DTWD2: variants seen among roughly 807,000 people sequenced by gnomAD.
DTWD2 encodes the protein DTW motif tRNA-uridine aminocarboxypropyltransferase 2, also known as tRNA-uridine aminocarboxypropyltransferase 2.
A neutral mutation model predicts 31.8 loss-of-function variants in DTWD2; 39 were observed. The observed-to-expected ratio is 1.22, with a 90% CI of 0.95 to 1.60. The LOEUF (loss-of-function observed/expected upper bound fraction) is 1.60, where lower values mean the gene tolerates loss of function less well. Among genes scored for constraint, DTWD2 ranks in the 40% most tolerant of loss-of-function variants. DTWD2 has a pLI of 0.00. For missense variants in DTWD2, 515 were observed against 381.5 expected, an observed-to-expected ratio of 1.35 and a Z score of -2.92; for synonymous variants, 180 against 142.8, an observed-to-expected ratio of 1.26 and a Z score of -1.86.
chr5:118,908,172 C>CA (rs1281723372), intron 4 of DTWD2, among the ~76,000 whole-genome samples: 1 of 151,976 alleles, frequency 6.6e-6, no homozygotes, highest in African/African-American at 2.4e-5. Flanking sequence ...CTAAGTACAA[C>CA]AAAAAACTGG....
rs560141180 is a variant in DTWD2 at position 118,983,049 on chromosome 5, A to T, written c.218+5245T>A. 7.9e-5 allele frequency among the ~76,000 whole-genome samples: 12 copies of T among 152,198 alleles called. No individual in the cohort carries two copies. In the East Asian group the frequency reaches 2.1e-3, roughly 27 times the overall value. On this transcript the variant is annotated intron_variant, in intron 1 of 5. Transcript: ENST00000510708. ...CAACAGTTTCAGTTATTCTACATTA[A>T]CTACCCTAGGAATTACCATTTTTCA... is the stretch of plus-strand genomic sequence containing the variant.
intron 1 of DTWD2, among the ~76,000 whole-genome samples, chr5:118,987,166 A>T (rs946287638): frequency 6.6e-6 from 1 of 152,156 alleles, no homozygotes. Flanking sequence ...AACATTTTTA[A>T]ATGCTTCCCC....
chr5:118,988,311 AGGCCTC>A lies in DTWD2; in HGVS notation c.195_200del (p.Arg66_Pro67del). The A allele has an allele frequency of 6.6e-7, 1 of 1,525,342 alleles. No individual in the cohort carries two copies. The highest frequency in any genetic ancestry group is 8.8e-7 in the Non-Finnish European group (1 of 1,140,878). The allele number at this position is 1,525,342 out of a possible 1,614,324, so 94.5% of individuals were successfully genotyped here. On this transcript the variant is annotated inframe_deletion, in exon 1 of 6. Transcript: ENST00000510708. ...GCGGTCACCTGCAGCGGGTGCACTC[AGGCCTC>A]CGCTCGGCCGGCTCCACCGGCAGCT...
chr5:118,986,919 G>A (rs1045876126), intron 1 of DTWD2, among the ~76,000 whole-genome samples: 5 of 151,976 alleles, frequency 3.3e-5, no homozygotes, highest in African/African-American at 1.2e-4. Context: ...AGAAATGTTG[G>A]GGAAAATTGT....
intron 3 of DTWD2, among the ~76,000 whole-genome samples, chr5:118,938,988 A>G (rs904346645): frequency 3.3e-5 from 5 of 152,006 alleles, no homozygotes; most frequent in African/African-American, 4.8e-5. Flanking sequence ...CTTTGCTTAT[A>G]CATTATTTAT....
intron 4 of DTWD2, among the ~76,000 whole-genome samples, chr5:118,918,769 C>G (rs1753636459): frequency 6.6e-6 from 1 of 151,284 alleles, no homozygotes; most frequent in Admixed American, 6.6e-5. Context: ...ACAAGGATTA[C>G]TTGAGCCCAG....
chr5:118,870,792 C>T (rs549297932), intron 4 of DTWD2, among the ~76,000 whole-genome samples: 1 of 152,256 alleles, frequency 6.6e-6, no homozygotes, highest in South Asian at 2.1e-4. Context: ...AAGGACTTCT[C>T]TGTAGCATGT....
chr5:118,906,451 G>A (rs1753334666), intron 4 of DTWD2, among the ~76,000 whole-genome samples: 1 of 152,040 alleles, frequency 6.6e-6, no homozygotes, highest in African/African-American at 2.4e-5. Flanking sequence ...AACCCAAATG[G>A]TCATTTGCAG....
chr5:118,879,609 C>CAA (rs775009585), intron 4 of DTWD2, among the ~76,000 whole-genome samples: 25 of 36,042 alleles, frequency 6.9e-4, no homozygotes, highest in Middle Eastern at 0.015. Flanking sequence ...GACTACAGCT[C>CAA]AAAAAAAAAA....
chr5:118,864,351 A>G (rs1160478220), intron 4 of DTWD2, among the ~76,000 whole-genome samples: 2 of 150,576 alleles, frequency 1.3e-5, no homozygotes, highest in African/African-American at 2.5e-5. Flanking sequence ...GGACACAGGA[A>G]GGGGAACATC....
At chr5:118,985,488 TTTTATATA>T (rs1335204532) in intron 1 of DTWD2, among the ~76,000 whole-genome samples, 6 of 27,118 alleles carry the variant, frequency 2.2e-4, no homozygotes, top group African/African-American at 4.1e-4. Context: ...TTATGTGCAT[TTTTATATA>T]TATATATATA....
At chr5:118,846,283 T>C (rs919658440) in intron 5 of DTWD2, among the ~76,000 whole-genome samples, 2 of 152,222 alleles carry the variant, frequency 1.3e-5, no homozygotes, top group East Asian at 3.9e-4. Context: ...TTAGTAGTAG[T>C]AGTAGTACAA....
chr5:118,840,932 A>T lies in DTWD2; in HGVS notation c.882T>A (p.Asn294Lys), dbSNP rs201791904. The change falls in exon 6 of 6, where the codon AAT becomes AAA. Residue 294 changes from asparagine to lysine, a missense_variant. Asn to Lys is a moderately conservative substitution (Grantham distance 94). Transcript: ENST00000510708. Reference protein sequence around the residue: ...RKLRKMELLMNSVKI With the variant: ...RKLRKMELLMKSVKI ...AATAACTGTACTAAATTTTAACACT[A>T]TTCATTAACAATTCCATTTTCCTGA... 2.5e-6 allele frequency: 4 copies of T among 1,613,416 alleles called. No individual in the cohort carries two copies. Among genetic ancestry groups the T allele is most frequent in the Non-Finnish European group, 3.4e-6 (4 of 1,179,676 alleles).
intron 3 of DTWD2, among the ~76,000 whole-genome samples, chr5:118,936,294 T>C (rs1282492464): frequency 2.6e-5 from 4 of 152,118 alleles, no homozygotes; most frequent in South Asian, 2.1e-4. Flanking sequence ...TCCCAGCACT[T>C]TGGGAGGCCA....
chr5:118,954,941 G>GC (rs1162107592), intron 1 of DTWD2, among the ~76,000 whole-genome samples: 1 of 151,718 alleles, frequency 6.6e-6, no homozygotes, highest in Non-Finnish European at 1.5e-5. Context: ...TCTCCTTTAT[G>GC]CCCTCTCTGG....
chr5:118,871,196 C>T (rs904992051), intron 4 of DTWD2, among the ~76,000 whole-genome samples: 4 of 152,140 alleles, frequency 2.6e-5, no homozygotes, highest in African/African-American at 7.2e-5. Flanking sequence ...TCTTTAGGTT[C>T]CACTTCTAAT....
chr5:118,971,165 T>C (rs773025418), intron 1 of DTWD2, among the ~76,000 whole-genome samples: 12 of 152,174 alleles, frequency 7.9e-5, no homozygotes, highest in Non-Finnish European at 1.5e-4. Flanking sequence ...ATGGCCTAAA[T>C]GCCCTAACTA....
chr5:118,932,963 T>C (rs1753960565), intron 3 of DTWD2, among the ~76,000 whole-genome samples: 1 of 151,936 alleles, frequency 6.6e-6, no homozygotes, highest in Non-Finnish European at 1.5e-5. Flanking sequence ...AAGACACAAT[T>C]ACTGATATCA....
rs573600671 is a variant in DTWD2, at chr5:118,877,001, C to A, written c.598-28783G>T. Among the ~76,000 whole-genome samples the A allele has an allele frequency of 1.4e-3, 216 of 152,300 alleles. 1 individual carries two copies. The highest frequency in any genetic ancestry group is 2.5e-3 in the Non-Finnish European group (173 of 68,018). The stretch of plus-strand genomic sequence containing the variant: ...TAACACAATACTGGAAAACCAAATT[C>A]AACAGCACATCAAAAAGCTTATCCA... On this transcript the variant is annotated intron_variant, in intron 4 of 5. Coordinates refer to ENST00000510708, the MANE Select transcript of DTWD2 (RefSeq NM_173666.4).
Sources: gnomAD v4.1 joint callset for allele counts (sites outside exome capture counted in the v4.1 genomes callset) on GRCh38, gnomAD v4.1.1 for gene constraint, MANE v1.5 for transcripts, NCBI Gene and HGNC (gene_info 2026-07-23, HGNC 2026-07-21) for gene names.